The following DOK6 variants were observed in gnomAD, a reference collection of about 807,000 sequenced individuals.
DOK6 encodes downstream of tyrosine kinase 6.
DOK6 carries 22 observed loss-of-function variants against 44.0 expected under a neutral mutation model. The ratio of observed to expected loss-of-function variants is 0.50; its 90% CI spans 0.36 to 0.71. The LOEUF is 0.71. DOK6 is among the 30% of genes least tolerant of loss of function. The probability of loss-of-function intolerance (pLI) is 0.00; values close to 1 mark genes in which losing one functional copy is unlikely to be tolerated. For missense variants in DOK6, 340 were observed against 416.4 expected (o/e 0.82, Z 1.60); for synonymous variants, 166 against 145.5 (o/e 1.14, Z -1.01).
At chr18:69,577,638 A>T (rs565380166) in intron 2 of DOK6, among the ~76,000 whole-genome samples, 1 of 152,300 alleles carries the variant, frequency 6.6e-6, no homozygotes, top group Admixed American at 6.5e-5. Flanking sequence ...GATGAAGAGC[A>T]GGGAATATGC....
chr18:69,544,225 T>C lies in DOK6; in HGVS notation c.67-20262T>C, dbSNP rs528587200. Among the ~76,000 whole-genome samples the C allele has an allele frequency of 9.0e-4, 136 of 150,316 alleles. 1 individual carries two copies. Among genetic ancestry groups the C allele is most frequent in the African/African-American group, 3.2e-3 (131 of 40,326 alleles). ...GTGAGCTGAGATCGAGCCATTGCAC[T>C]CCAGCCTGGGTGACAGGGCAAGACT... On this transcript the variant is annotated intron_variant, in intron 1 of 7. Coordinates refer to ENST00000382713, the MANE Select transcript of DOK6 (RefSeq NM_152721.6).
chr18:69,680,020 T>C (rs975633211), intron 4 of DOK6, among the ~76,000 whole-genome samples: 20 of 152,126 alleles, frequency 1.3e-4, no homozygotes, highest in African/African-American at 4.8e-4. Context: ...TACTTTACAG[T>C]GGACCTAAAA....
intron 7 of DOK6, among the ~76,000 whole-genome samples, chr18:69,834,718 A>G (rs911462535): frequency 3.9e-5 from 6 of 152,218 alleles, no homozygotes; most frequent in Non-Finnish European, 8.8e-5. Flanking sequence ...TTATTACAAG[A>G]TGTCGTAGAG....
At chr18:69,693,549 C>T (rs1239377542) in intron 4 of DOK6, among the ~76,000 whole-genome samples, 1 of 152,056 alleles carries the variant, frequency 6.6e-6, no homozygotes, top group African/African-American at 2.4e-5. Flanking sequence ...CTGTACGGTT[C>T]TCCATTAAAC....
At chr18:69,756,476 G>T (rs1055748227) in intron 6 of DOK6, among the ~76,000 whole-genome samples, 2 of 152,220 alleles carry the variant, frequency 1.3e-5, no homozygotes, top group African/African-American at 4.8e-5. Context: ...AATAGACTGA[G>T]TATGGCACTT....
rs551657603 is a variant in DOK6 at position 69,546,155 on chromosome 18, T to C, written c.67-18332T>C. ...AGCCAGGCATGGTGGCGCATGCCTG[T>C]AATCCCAGCTACTTGGGAGGCTGAG... is the stretch of plus-strand genomic sequence containing the variant. On this transcript the variant is annotated intron_variant, in intron 1 of 7. Coordinates refer to ENST00000382713, the MANE Select transcript of DOK6 (RefSeq NM_152721.6). 1.5e-4 allele frequency among the ~76,000 whole-genome samples: 22 copies of C among 150,794 alleles called. 2 individuals carry two copies. Among genetic ancestry groups the C allele is most frequent in the South Asian group, 2.1e-4 (1 of 4,688 alleles).
intron 2 of DOK6, among the ~76,000 whole-genome samples, chr18:69,570,206 T>C (rs139229450): frequency 1.4e-3 from 214 of 151,988 alleles, no homozygotes; most frequent in African/African-American, 4.9e-3. Context: ...AGTTAAACAA[T>C]ATATTTTTTA....
intron 7 of DOK6, among the ~76,000 whole-genome samples, chr18:69,825,427 C>CTTTT (rs34656265): frequency 6.0e-5 from 5 of 82,986 alleles, no homozygotes; most frequent in Non-Finnish European, 1.2e-4. Context: ...ATCATAACTT[C>CTTTT]TTTTTTTTTT....
intron 3 of DOK6, among the ~76,000 whole-genome samples, chr18:69,612,430 C>CATGTGTGCGAGGGCGG (rs1447911717): frequency 6.8e-6 from 1 of 147,274 alleles, no homozygotes; most frequent in Non-Finnish European, 1.5e-5. Flanking sequence ...TGCGAGGGCG[C>CATGTGTGCGAGGGCGG]ATGTGTGCGA....
chr18:69,483,226 C>T (rs1473786045), intron 1 of DOK6, among the ~76,000 whole-genome samples: 7 of 151,850 alleles, frequency 4.6e-5, no homozygotes, highest in African/African-American at 1.7e-4. Context: ...TCTAGAAAAC[C>T]CCCATAGTCT....
intron 1 of DOK6, among the ~76,000 whole-genome samples, chr18:69,546,064 G>A (rs1371000903): frequency 6.6e-6 from 1 of 151,242 alleles, no homozygotes; most frequent in East Asian, 1.9e-4. Flanking sequence ...GATCACTTAA[G>A]GTTGGGAGTT....
chr18:69,472,258 G>T (rs139167775), intron 1 of DOK6, among the ~76,000 whole-genome samples: 5 of 152,316 alleles, frequency 3.3e-5, no homozygotes, highest in Non-Finnish European at 5.9e-5. Context: ...ATTCAGGCCA[G>T]ATTCTGAGTG....
chr18:69,444,301 T>C, intron 1 of DOK6, among the ~76,000 whole-genome samples: 1 of 152,148 alleles, frequency 6.6e-6, no homozygotes, highest in Non-Finnish European at 1.5e-5. Flanking sequence ...TGTAGCATTA[T>C]CTCATGATGG....
At chr18:69,459,018 C>A (rs553264899) in intron 1 of DOK6, among the ~76,000 whole-genome samples, 6 of 150,726 alleles carry the variant, frequency 4.0e-5, no homozygotes, top group African/African-American at 9.7e-5. Context: ...ATTGCTTGAA[C>A]CTGGCAGATG....
chr18:69,756,798 A>G (rs1387669695), intron 6 of DOK6, among the ~76,000 whole-genome samples: 1 of 152,228 alleles, frequency 6.6e-6, no homozygotes, highest in African/African-American at 2.4e-5. Flanking sequence ...CGCAAAGCCT[A>G]GATTTGACAG....
intron 1 of DOK6, among the ~76,000 whole-genome samples, chr18:69,436,699 G>T (rs1978989641): frequency 6.6e-6 from 1 of 152,106 alleles, no homozygotes; most frequent in African/African-American, 2.4e-5. Context: ...TGTGTCAAAT[G>T]GTATTTCTGG....
chr18:69,674,422 G>A (rs781590848), intron 3 of DOK6, among the ~76,000 whole-genome samples: 2 of 152,108 alleles, frequency 1.3e-5, no homozygotes, highest in Non-Finnish European at 2.9e-5. Context: ...CATGAACTCA[G>A]AGCTATCTCC....
chr18:69,523,495 C>G (rs36008046), intron 1 of DOK6, among the ~76,000 whole-genome samples: 3 of 151,978 alleles, frequency 2.0e-5, no homozygotes, highest in African/African-American at 7.2e-5. Flanking sequence ...TTCAAACTCT[C>G]TCAAACCAAT....
rs1983898522 is a variant in DOK6, at chr18:69,602,622, C to G, written c.289+3124C>G. Among the ~76,000 whole-genome samples the G allele has an allele frequency of 2.0e-5, 3 of 152,030 alleles. No homozygotes were observed. The South Asian group carries it at 6.2e-4, about 32-fold the overall frequency. On this transcript the variant is annotated intron_variant, in intron 3 of 7. Coordinates refer to ENST00000382713, the MANE Select transcript of DOK6 (RefSeq NM_152721.6). ...TAGTTCATTAATTTTAACAAATGTA[C>G]CATACTAATGTAAGATGTTACTAAT...
Sources: allele counts gnomAD v4.1 joint callset (sites outside exome capture counted in the v4.1 genomes callset), GRCh38; gene constraint gnomAD v4.1.1; transcripts MANE v1.5; gene names NCBI Gene and HGNC (gene_info 2026-07-23, HGNC 2026-07-21).